The following KLKB1 variants were observed in gnomAD, a reference collection of about 807,000 sequenced individuals.
KLKB1 encodes plasma kallikrein.
Under a neutral mutation model 73.6 loss-of-function variants are expected in KLKB1, and 58 were observed. The ratio of observed to expected loss-of-function variants is 0.79; its 90% CI spans 0.64 to 0.98. The LOEUF (loss-of-function observed/expected upper bound fraction) is 0.98, where lower values mean the gene tolerates loss of function less well. Ranked by LOEUF, KLKB1 falls within the 50% of genes least tolerant of loss-of-function variation. The pLI, the probability that KLKB1 is intolerant of heterozygous loss-of-function variation, is 0.00. For missense variants in KLKB1, 737 were observed against 763.8 expected (o/e 0.96, Z 0.41); for synonymous variants, 280 against 258.1 (o/e 1.08, Z -0.81).
At chr4:186,232,390 G>T in intron 3 of KLKB1, 101 bp downstream of exon 3, 1 of 1,109,598 alleles carries the variant, frequency 9.0e-7, no homozygotes, top group Non-Finnish European at 1.4e-6. Flanking sequence ...CTCACACGGG[G>T]TTCAAGGACC....
chr4:186,215,959 A>T lies in KLKB1; in HGVS notation c.201+6687A>T, dbSNP rs567981878. The stretch of plus-strand genomic sequence containing the variant: ...TGTTGGTTTATTATTACCAAAAGCA[A>T]TGCTGTTCTGGAAAGGCAAGGACTG... On this transcript the variant is annotated intron_variant, in intron 2 of 14. Transcript: ENST00000511608. Among the ~76,000 whole-genome samples the T allele has an allele frequency of 2.6e-5, 4 of 152,308 alleles. No homozygotes were observed. The South Asian group carries it at 8.3e-4, about 32-fold the overall frequency.
At chr4:186,220,230 A>G (rs775824466) in intron 2 of KLKB1, among the ~76,000 whole-genome samples, 8 of 152,052 alleles carry the variant, frequency 5.3e-5, no homozygotes, top group Non-Finnish European at 7.4e-5. Flanking sequence ...GCTATGGGAG[A>G]AACGGTGCCA....
At chr4:186,239,261 C>T (rs74910358) in intron 6 of KLKB1, among the ~76,000 whole-genome samples, 1 of 120,274 alleles carries the variant, frequency 8.3e-6, no homozygotes, top group Non-Finnish European at 1.7e-5. Flanking sequence ...GACAGTGATA[C>T]TGTTATAGTT....
chr4:186,215,687 C>G (rs1299890465), intron 2 of KLKB1, among the ~76,000 whole-genome samples: 2 of 152,150 alleles, frequency 1.3e-5, no homozygotes, highest in African/African-American at 4.8e-5. Flanking sequence ...GATCATCCCA[C>G]CTCAGTCTGC....
chr4:186,210,872 C>G, intron 2 of KLKB1: 1 of 470,146 alleles, frequency 2.1e-6, no homozygotes, highest in South Asian at 2.2e-5. Flanking sequence ...CTCACTCTGT[C>G]GCCCAGGCTG....
chr4:186,227,396 T>C (rs1383914140), upstream of KLKB1: 1 of 152,176 alleles, frequency 6.6e-6, no homozygotes, highest in African/African-American at 2.4e-5. Flanking sequence ...TTAATATACT[T>C]AACAGCTGAA....
At position 186,247,403 on chromosome 4, in the gene KLKB1, C is replaced by T. The variant is rs1482708982; in HGVS notation, c.599-2840C>T. Among the ~76,000 whole-genome samples, 7 of 137,422 alleles carry T rather than the reference C, an allele frequency of 5.1e-5. No individual in the cohort carries two copies. In the South Asian group the frequency reaches 7.3e-4, roughly 14 times the overall value. The allele number at this position is 137,422 out of a possible 152,430, so 90.2% of individuals were successfully genotyped here. On this transcript the variant is annotated intron_variant, in intron 6 of 14. Transcript: ENST00000264690. ...ACAGTCAAAGGGGGTTGTTCTCTGG[C>T]GGGCAGGGGTGGGGGGTCACAAGGT... is the stretch of plus-strand genomic sequence containing the variant.
chr4:186,224,917 G>C (rs941848560), upstream of KLKB1, among the ~76,000 whole-genome samples: 4 of 152,184 alleles, frequency 2.6e-5, no homozygotes, highest in South Asian at 4.1e-4. Context: ...CTGGTGAGAG[G>C]TGATTGGATC....
intron 6 of KLKB1, among the ~76,000 whole-genome samples, chr4:186,243,329 A>G (rs1738154943): frequency 6.6e-6 from 1 of 152,174 alleles, no homozygotes; most frequent in Admixed American, 6.6e-5. Context: ...ACAGAATAGA[A>G]TGGGCCTGTG....
intron 2 of KLKB1, chr4:186,212,123 G>C: frequency 6.6e-6 from 1 of 152,108 alleles, no homozygotes; most frequent in East Asian, 1.9e-4. Flanking sequence ...TGGTGACAGA[G>C]CTGGAAATAC....
chr4:186,255,842 T>C (rs1331177276), intron 12 of KLKB1, 150 bp from the exon 13 acceptor site: 1 of 626,914 alleles, frequency 1.6e-6, no homozygotes, highest in African/African-American at 1.9e-5. Flanking sequence ...TTTTCTTGAA[T>C]CATTAGCCTT....
intron 2 of KLKB1, among the ~76,000 whole-genome samples, chr4:186,220,116 T>C (rs116991137): frequency 0.011 from 1,606 of 152,016 alleles, 51 homozygotes; most frequent in Admixed American, 0.07. Context: ...GAAGGTAATG[T>C]ATTGGGAACA....
At chr4:186,216,433 CAAA>C (rs1339647067) in intron 2 of KLKB1, among the ~76,000 whole-genome samples, 1 of 152,018 alleles carries the variant, frequency 6.6e-6, no homozygotes, top group Non-Finnish European at 1.5e-5. Flanking sequence ...CGCAGAAAGA[CAAA>C]GAATGGTGAA....
intron 2 of KLKB1, among the ~76,000 whole-genome samples, chr4:186,215,418 TTG>T (rs757611097): frequency 6.8e-6 from 1 of 147,896 alleles, no homozygotes; most frequent in Non-Finnish European, 1.5e-5. Flanking sequence ...GCTTTCTCTC[TTG>T]CTTTCTCTCT....
At chr4:186,235,880 C>T (rs911104760) in intron 4 of KLKB1, among the ~76,000 whole-genome samples, 1 of 151,936 alleles carries the variant, frequency 6.6e-6, no homozygotes, top group Non-Finnish European at 1.5e-5. Context: ...CTTTGGGAGG[C>T]CGAGACGGGC....
At chr4:186,216,652 G>A (rs1456743704) in intron 2 of KLKB1, among the ~76,000 whole-genome samples, 1 of 152,198 alleles carries the variant, frequency 6.6e-6, no homozygotes, top group East Asian at 1.9e-4. Context: ...AGCACGTGCA[G>A]TTTGTTGGAA....
intron 2 of KLKB1, among the ~76,000 whole-genome samples, chr4:186,217,185 G>T (rs1008903820): frequency 3.3e-5 from 5 of 152,144 alleles, no homozygotes; most frequent in African/African-American, 1.2e-4. Flanking sequence ...AAACCTAGAA[G>T]CATATTTAAA....
At chr4:186,232,333 CTG>C in intron 3 of KLKB1, 44 bp downstream of exon 3, 1 of 1,572,018 alleles carries the variant, frequency 6.4e-7, no homozygotes, top group Non-Finnish European at 8.8e-7. Context: ...TTTTTCAAAA[CTG>C]AATCAGTTTT....
intron 2 of KLKB1, chr4:186,229,074 G>C (rs562082647): frequency 1.3e-5 from 2 of 151,958 alleles, no homozygotes; most frequent in Non-Finnish European, 2.9e-5. Context: ...CCCTGTGTCT[G>C]TCCCTCAACC....
Sources: gnomAD v4.1 joint callset for allele counts (sites outside exome capture counted in the v4.1 genomes callset) on GRCh38, gnomAD v4.1.1 for gene constraint, MANE v1.5 for transcripts, NCBI Gene and HGNC (gene_info 2026-07-23, HGNC 2026-07-21) for gene names.